CEP170: variants seen among roughly 807,000 people sequenced by gnomAD.
The protein encoded by CEP170 is centrosomal protein 170, also known as centrosomal protein of 170 kDa.
CEP170 carries 21 observed loss-of-function variants against 151.9 expected under a neutral mutation model. That is an observed-to-expected ratio of 0.14 (90% CI 0.10 to 0.20). The LOEUF is 0.20. Among genes scored for constraint, CEP170 ranks in the 10% least tolerant of loss-of-function variants. The pLI, the probability that CEP170 is intolerant of heterozygous loss-of-function variation, is 1.00. For synonymous variants in CEP170, 356 were observed against 648.8 expected (o/e 0.55, Z 6.86); for missense variants, 964 against 1,892.9 (o/e 0.51, Z 9.11).
At chr1:243,237,841 G>T (rs2149104513) in intron 1 of CEP170, among the ~76,000 whole-genome samples, 1 of 152,228 alleles carries the variant, frequency 6.6e-6, no homozygotes, top group South Asian at 2.1e-4. Context: ...GCAGGTGGAG[G>T]TCGCAGTGGG....
At chr1:243,154,676 T>C (rs2057396291) in intron 14 of CEP170, among the ~76,000 whole-genome samples, 1 of 152,206 alleles carries the variant, frequency 6.6e-6, no homozygotes, top group Non-Finnish European at 1.5e-5. Context: ...AGTCCTGCCA[T>C]AGATAATAAA....
intron 1 of CEP170, among the ~76,000 whole-genome samples, chr1:243,253,579 T>C (rs1433487985): frequency 1.3e-5 from 2 of 152,148 alleles, no homozygotes; most frequent in African/African-American, 4.8e-5. Context: ...AACAGAAAAA[T>C]ACATAAGTTG....
chr1:243,205,190 T>C (rs2061326392), intron 4 of CEP170, among the ~76,000 whole-genome samples: 1 of 152,138 alleles, frequency 6.6e-6, no homozygotes, highest in Admixed American at 6.5e-5. Context: ...AAGACAAGCC[T>C]GCACAGAAAG....
Position 243,140,036 on chromosome 1 carries a change from T to A in CEP170, c.4131A>T (p.Pro1377=), listed in dbSNP as rs781414226. Residue 1377 remains proline, a synonymous_variant, in exon 16 of 20, where the codon CCA becomes CCT. Transcript: ENST00000366542. ...KIPPLVHSKT[P]EGNNGRSGDP... ...CACCAGATCGACCGTTGTTTCCTTCTGGTGTTTTGGAATGAACTAATGGAG... is the reference window on the plus strand; with the variant it reads ...CACCAGATCGACCGTTGTTTCCTTCAGGTGTTTTGGAATGAACTAATGGAG... The A allele has an allele frequency of 6.2e-6, 10 of 1,614,000 alleles. No individual in the cohort carries two copies. The highest frequency in any genetic ancestry group is 8.5e-6 in the Non-Finnish European group (10 of 1,179,882).
intron 4 of CEP170, among the ~76,000 whole-genome samples, chr1:243,202,363 C>G (rs7521170): frequency 0.032 from 4,883 of 152,142 alleles, 260 homozygotes; most frequent in African/African-American, 0.11. Context: ...GTGTATACTA[C>G]TCAGGTGGTG....
intron 1 of CEP170, among the ~76,000 whole-genome samples, chr1:243,231,190 C>CATT (rs201548693): frequency 0.028 from 3,524 of 124,924 alleles, 47 homozygotes; most frequent in African/African-American, 0.043. Flanking sequence ...TCATCATCAT[C>CATT]ATTATTATTA....
At chr1:243,152,698 A>AT (rs1465288515) in intron 14 of CEP170, among the ~76,000 whole-genome samples, 1 of 148,510 alleles carries the variant, frequency 6.7e-6, no homozygotes, top group African/African-American at 2.5e-5. Context: ...TGCCCAGCTA[A>AT]TTTTTTCTAT....
At chr1:243,214,613 C>A (rs2062113204) in intron 3 of CEP170, among the ~76,000 whole-genome samples, 1 of 135,406 alleles carries the variant, frequency 7.4e-6, no homozygotes, top group Admixed American at 7.5e-5. Flanking sequence ...GTGTTTTGAC[C>A]ATGCAAGAAC....
chr1:243,132,633 C>A (rs1040513328), intron 17 of CEP170, among the ~76,000 whole-genome samples: 4 of 152,168 alleles, frequency 2.6e-5, no homozygotes, highest in African/African-American at 7.2e-5. Context: ...TGAGACAACA[C>A]AGGTTATCAA....
At chr1:243,244,921 G>C (rs941317643) in intron 1 of CEP170, among the ~76,000 whole-genome samples, 2 of 151,974 alleles carry the variant, frequency 1.3e-5, no homozygotes, top group Non-Finnish European at 2.9e-5. Context: ...CATGTAGTGA[G>C]ATTATTTCAT....
Position 243,128,975 on chromosome 1 carries a change from T to C in CEP170, c.4413+385A>G, listed in dbSNP as rs546773219. 6.7e-3 allele frequency: 1,036 copies of C among 154,438 alleles called. 14 individuals are homozygous for C. The highest frequency in any genetic ancestry group is 0.024 in the African/African-American group (981 of 41,638). The allele number at this position is 154,438 out of a possible 1,614,324, so 9.6% of individuals were successfully genotyped here. On this transcript the variant is annotated intron_variant, in intron 18 of 19. Transcript: ENST00000366542. ...AACTGCAACCTCAATATTATAATTA[T>C]ATTCTGAGCAATGAAAATCTGTACA... is the stretch of plus-strand genomic sequence containing the variant.
chr1:243,196,248 T>C (rs1038775772), intron 7 of CEP170, among the ~76,000 whole-genome samples: 4 of 151,996 alleles, frequency 2.6e-5, no homozygotes, highest in African/African-American at 9.7e-5. Context: ...TTAAAACTTC[T>C]TATGGTTAAG....
intron 1 of CEP170, among the ~76,000 whole-genome samples, chr1:243,246,737 T>C (rs942637267): frequency 6.6e-6 from 1 of 152,170 alleles, no homozygotes; most frequent in African/African-American, 2.4e-5. Context: ...TACTTAATGG[T>C]AGAAAATCTT....
chr1:243,159,587 G>A (rs1306988439), intron 13 of CEP170, among the ~76,000 whole-genome samples: 1 of 151,852 alleles, frequency 6.6e-6, no homozygotes, highest in Non-Finnish European at 1.5e-5. Flanking sequence ...TAAAATTTTA[G>A]AAGAATGGCC....
chr1:243,203,849 G>A (rs1247453597), intron 4 of CEP170, among the ~76,000 whole-genome samples: 1 of 151,876 alleles, frequency 6.6e-6, no homozygotes, highest in Non-Finnish European at 1.5e-5. Context: ...AGTAAGGTAG[G>A]TCCTAGGAGA....
intron 1 of CEP170, among the ~76,000 whole-genome samples, chr1:243,245,455 C>T (rs2065283832): frequency 6.6e-6 from 1 of 152,070 alleles, no homozygotes; most frequent in Admixed American, 6.6e-5. Context: ...GTGGCTCACG[C>T]CTGTAATCCC....
chr1:243,231,417 T>A (rs900050968), intron 1 of CEP170, among the ~76,000 whole-genome samples: 2 of 152,086 alleles, frequency 1.3e-5, no homozygotes, highest in African/African-American at 4.8e-5. Flanking sequence ...TAAATATAAA[T>A]CCACTGTTTT....
intron 3 of CEP170, among the ~76,000 whole-genome samples, chr1:243,217,899 C>G (rs1430655443): frequency 6.6e-6 from 1 of 152,204 alleles, no homozygotes; most frequent in Non-Finnish European, 1.5e-5. Flanking sequence ...AATCAGGTCT[C>G]TGAACTACAA....
At chr1:243,205,437 C>T (rs2789277) in intron 4 of CEP170, among the ~76,000 whole-genome samples, 7 of 152,090 alleles carry the variant, frequency 4.6e-5, no homozygotes, top group African/African-American at 1.4e-4. Flanking sequence ...AACTCTGCAG[C>T]GGTAGAGCAA....
Sources: allele counts gnomAD v4.1 joint callset (sites outside exome capture counted in the v4.1 genomes callset), GRCh38; gene constraint gnomAD v4.1.1; transcripts MANE v1.5; gene names NCBI Gene and HGNC (gene_info 2026-07-23, HGNC 2026-07-21).